LRPPRC: variants seen among roughly 807,000 people sequenced by gnomAD.
LRPPRC encodes the protein leucine rich pentatricopeptide repeat containing.
In LRPPRC, 120 loss-of-function variants were observed where a neutral mutation model predicts 180.3. That is an observed-to-expected ratio of 0.67 (90% confidence interval 0.57 to 0.77). LRPPRC has a LOEUF of 0.77. LRPPRC is among the 30% of genes least tolerant of loss of function. The pLI is 0.00. For synonymous variants in LRPPRC, 723 were observed against 600.0 expected, an observed-to-expected ratio of 1.21 and a Z score of -3.00; for missense variants, 2,012 against 1,657.2, an observed-to-expected ratio of 1.21 and a Z score of -3.72.
At chr2:43,895,134 G>A (rs1268417625) in intron 35 of LRPPRC, among the ~76,000 whole-genome samples, 1 of 152,132 alleles carries the variant, frequency 6.6e-6, no homozygotes, top group African/African-American at 2.4e-5. Context: ...CCTGTAGCGA[G>A]TGAATACAGA....
chr2:43,942,242 T>C (rs1453612814), intron 23 of LRPPRC, among the ~76,000 whole-genome samples: 1 of 152,208 alleles, frequency 6.6e-6, no homozygotes, highest in Non-Finnish European at 1.5e-5. Flanking sequence ...CCCGGTAGTG[T>C]AGGAGGGCCT....
chr2:43,935,193 C>T (rs1672232895), intron 23 of LRPPRC, among the ~76,000 whole-genome samples: 1 of 152,164 alleles, frequency 6.6e-6, no homozygotes, highest in Non-Finnish European at 1.5e-5. Flanking sequence ...TAAATTCTGA[C>T]TTTATGTAGA....
Position 43,943,722 on chromosome 2 carries a change from G to A in LRPPRC, c.2469C>T (p.Asn823=). Residue 823 remains asparagine, a synonymous_variant, in exon 23 of 38, where the codon AAC becomes AAT. Coordinates refer to ENST00000260665, the MANE Select transcript of LRPPRC (RefSeq NM_133259.4). ...VTLGLAEPST[N]ISFPLVTVHL... ...GTACAGTGACCAATGGGAAACTTAT[G>A]TTGGTGGATGGTTCTGCTAACCCTA... 6.2e-7 allele frequency: 1 copy of A among 1,613,436 alleles called. No individual in the cohort carries two copies. Among genetic ancestry groups the A allele is most frequent in the Non-Finnish European group, 8.5e-7 (1 of 1,179,408 alleles).
At chr2:43,939,024 G>A (rs966040838) in intron 23 of LRPPRC, among the ~76,000 whole-genome samples, 4 of 151,756 alleles carry the variant, frequency 2.6e-5, no homozygotes, top group Non-Finnish European at 5.9e-5. Flanking sequence ...TGTAATCCCA[G>A]CACTTTGGGA....
At chr2:43,967,450 G>C (rs1673610814) in intron 11 of LRPPRC, among the ~76,000 whole-genome samples, 1 of 152,180 alleles carries the variant, frequency 6.6e-6, no homozygotes, top group African/African-American at 2.4e-5. Flanking sequence ...TCATACCTCA[G>C]TAAAGTTGGC....
rs975863871 is a variant in LRPPRC at position 43,965,284 on chromosome 2, C to A, written c.1370-1578G>T. ...CCATGTTGGTCAAGCTGGTCTTGAA[C>A]CCCTGACCTCGTGATCTGCCCGCCT... On this transcript the variant is annotated intron_variant, in intron 11 of 37. Coordinates refer to ENST00000260665, the MANE Select transcript of LRPPRC (RefSeq NM_133259.4). Among the ~76,000 whole-genome samples the A allele has an allele frequency of 2.6e-4, 39 of 152,226 alleles. 1 individual carries two copies. Among genetic ancestry groups the A allele is most frequent in the African/African-American group, 8.7e-4 (36 of 41,454 alleles).
At chr2:43,985,222 G>C (rs62135118) in intron 1 of LRPPRC, among the ~76,000 whole-genome samples, 1 of 151,858 alleles carries the variant, frequency 6.6e-6, no homozygotes, top group Non-Finnish European at 1.5e-5. Context: ...AGTGTTTTTA[G>C]GTTTATAGAA....
chr2:43,973,661 G>A lies in LRPPRC; in HGVS notation c.1315C>T (p.Pro439Ser). The A allele has an allele frequency of 1.2e-6, 2 of 1,613,980 alleles. No homozygotes were observed. The highest frequency in any genetic ancestry group is 1.1e-5 in the South Asian group (1 of 91,070). ...ACTAGCAATGGCCAGAAATAGTGAG[G>A]TCTGATAGGAAAACCTTCCTCCTTC... ...AVKEEGFPIRPHYFWPLLVGR... is the reference protein window; with the variant it reads ...AVKEEGFPIRSHYFWPLLVGR... The change falls in exon 11 of 38, where the codon CCT (proline) becomes TCT (serine). Residue 439 changes from proline to serine, a missense_variant. Coordinates refer to ENST00000260665, the MANE Select transcript of LRPPRC (RefSeq NM_133259.4).
chr2:43,929,632 C>A (rs1672013773), intron 25 of LRPPRC, among the ~76,000 whole-genome samples: 1 of 152,128 alleles, frequency 6.6e-6, no homozygotes, highest in Non-Finnish European at 1.5e-5. Flanking sequence ...TGGACCTACA[C>A]AATCCAAACC....
At chr2:43,947,646 T>C (rs1013787347) in intron 19 of LRPPRC, 85 bp downstream of exon 19, 1 of 856,574 alleles carries the variant, frequency 1.2e-6, no homozygotes, top group African/African-American at 1.7e-5. Flanking sequence ...ATGTGAGGAA[T>C]CACTGGTTTT....
intron 14 of LRPPRC, among the ~76,000 whole-genome samples, chr2:43,955,763 A>C (rs1020102839): frequency 6.6e-6 from 1 of 152,140 alleles, no homozygotes; most frequent in African/African-American, 2.4e-5. Flanking sequence ...TTCTTGTGTG[A>C]ACTACCAATA....
chr2:43,894,241 G>C (rs1426121875), intron 36 of LRPPRC, among the ~76,000 whole-genome samples: 1 of 152,154 alleles, frequency 6.6e-6, no homozygotes, highest in African/African-American at 2.4e-5. Flanking sequence ...ATAAGTCCAA[G>C]AGGATTTCCA....
At chr2:43,955,883 TAC>T (rs1219771911) in intron 14 of LRPPRC, among the ~76,000 whole-genome samples, 1 of 152,152 alleles carries the variant, frequency 6.6e-6, no homozygotes, top group Non-Finnish European at 1.5e-5. Flanking sequence ...TCTTAGTAAT[TAC>T]AAAGTGGACA....
At chr2:43,967,903 CTCT>C (rs1454497234) in intron 11 of LRPPRC, among the ~76,000 whole-genome samples, 2 of 152,128 alleles carry the variant, frequency 1.3e-5, no homozygotes, top group African/African-American at 2.4e-5. Context: ...TCCCACTGTG[CTCT>C]TCTTTATATG....
intron 25 of LRPPRC, among the ~76,000 whole-genome samples, chr2:43,932,236 A>T (rs1374309058): frequency 1.3e-5 from 2 of 151,844 alleles, no homozygotes; most frequent in Non-Finnish European, 2.9e-5. Flanking sequence ...ACAAAAAAAC[A>T]GGTGATATTT....
At chr2:43,966,888 T>C (rs1444182394) in intron 11 of LRPPRC, among the ~76,000 whole-genome samples, 1 of 151,452 alleles carries the variant, frequency 6.6e-6, no homozygotes, top group African/African-American at 2.4e-5. Context: ...CCATCTCTAC[T>C]AAAAATATAA....
Position 43,888,337 on chromosome 2 carries a change from T to G in LRPPRC, c.*263A>C. Reference sequence around the variant, plus strand: ...AGAGCAGGGAAACCAAAGAGCCAATTAGGGGAAGAATCCTGAAAAAGTATG... The same window carrying G: ...AGAGCAGGGAAACCAAAGAGCCAATGAGGGGAAGAATCCTGAAAAAGTATG... On this transcript the variant is annotated 3_prime_UTR_variant, in exon 38 of 38. Transcript: ENST00000260665. 3 of 379,054 alleles carry G rather than the reference T, an allele frequency of 7.9e-6. No homozygotes were observed. The highest frequency in any genetic ancestry group is 1.5e-5 in the Non-Finnish European group (3 of 204,464). 23.5% of individuals were successfully genotyped at this position (379,054 alleles called of 1,614,324 possible).
Position 43,995,899 on chromosome 2 carries a change from C to T in LRPPRC, c.49G>A (p.Ala17Thr), listed in dbSNP as rs759303390. The T allele has an allele frequency of 7.3e-6, 11 of 1,511,866 alleles. No individual in the cohort carries two copies. In the East Asian group the frequency reaches 1.6e-4, roughly 22 times the overall value. 93.7% of individuals were successfully genotyped at this position (1,511,866 alleles called of 1,614,324 possible). ...SARWLLRAGA[A>T]PRLPLSLRLL... is the part of the protein sequence containing the mutation. The stretch of plus-strand genomic sequence containing the variant: ...CGCAGGGAGAGCGGGAGGCGCGGGG[C>T]CGCCCCGGCACGCAGCAACCAACGC... Residue 17 changes from alanine (A) to threonine (T), a missense_variant, in exon 1 of 38, where the codon GCC (alanine) becomes ACC (threonine). Physicochemically the swap from Ala to Thr is moderately conservative, Grantham distance 58. Coordinates refer to ENST00000260665, the MANE Select transcript of LRPPRC (RefSeq NM_133259.4).
rs747218391 is a variant in LRPPRC, at chr2:43,948,482, C to T, written c.1772G>A (p.Ser591Asn). Residue 591 changes from serine (S) to asparagine (N), a missense_variant, in exon 17 of 38, where the codon AGC becomes AAC. Ser to Asn is a conservative substitution (Grantham distance 46). Transcript: ENST00000260665. ...GGCCTGTACCTCTGAGTCACTCATG[C>T]TGTCAATCAAGTTATAAAGAAAATA... ...VGYFLYNLID[S>N]MSDSEVQAKE... The T allele has an allele frequency of 1.2e-6, 2 of 1,610,786 alleles. No individual in the cohort carries two copies. Among genetic ancestry groups the T allele is most frequent in the South Asian group, 1.1e-5 (1 of 91,004 alleles).
Sources: allele counts gnomAD v4.1 joint callset (sites outside exome capture counted in the v4.1 genomes callset), GRCh38; gene constraint gnomAD v4.1.1; transcripts MANE v1.5; gene names NCBI Gene and HGNC (gene_info 2026-07-23, HGNC 2026-07-21).